The following PPARGC1A variants were observed in gnomAD, a reference collection of about 807,000 sequenced individuals.
The protein encoded by PPARGC1A is peroxisome proliferator-activated receptor gamma coactivator 1-alpha.
A neutral mutation model predicts 88.7 loss-of-function variants in PPARGC1A; 25 were observed. The ratio of observed to expected loss-of-function variants is 0.28; its 90% CI spans 0.21 to 0.39. The LOEUF (loss-of-function observed/expected upper bound fraction) is 0.39. Ranked by LOEUF, PPARGC1A falls within the 10% of genes least tolerant of loss-of-function variation. The pLI, the probability that PPARGC1A is intolerant of heterozygous loss-of-function variation, is 1.00. For synonymous variants in PPARGC1A, 363 were observed against 355.6 expected, an observed-to-expected ratio of 1.02 and a Z score of -0.24; for missense variants, 880 against 968.7, an observed-to-expected ratio of 0.91 and a Z score of 1.22.
chr4:24,201,367 A>G, the PPARGC1A span, among the ~76,000 whole-genome samples: 1 of 152,202 alleles, frequency 6.6e-6, no homozygotes, highest in African/African-American at 2.4e-5. Flanking sequence ...TAACACAAAC[A>G]CTTTGGATAG....
the PPARGC1A span, among the ~76,000 whole-genome samples, chr4:24,099,535 A>C: frequency 6.6e-5 from 10 of 152,190 alleles, no homozygotes; most frequent in Non-Finnish European, 1.0e-4. Flanking sequence ...GCTAGATGAG[A>C]GGAGCCGGGG....
intron 7 of PPARGC1A, among the ~76,000 whole-genome samples, chr4:23,817,065 C>T (rs1180883624): frequency 6.6e-6 from 1 of 152,094 alleles, no homozygotes; most frequent in African/African-American, 2.4e-5. Context: ...TGCCGCACGC[C>T]ACTTTGTACT....
At chr4:24,019,829 C>T in the PPARGC1A span, among the ~76,000 whole-genome samples, 1 of 152,126 alleles carries the variant, frequency 6.6e-6, no homozygotes, top group African/African-American at 2.4e-5. Flanking sequence ...CTACATCACC[C>T]ACATAGGACT....
rs538447022 is a variant in PPARGC1A at position 23,835,613 on chromosome 4, G to A, written c.235-3862C>T. ...TTACAAATGATTATTCGATATTATT[G>A]TTATCTCTGTATGTGGGTGACTCAC... On this transcript the variant is annotated intron_variant, in intron 2 of 12. Coordinates refer to ENST00000264867, the MANE Select transcript of PPARGC1A (RefSeq NM_013261.5). Among the ~76,000 whole-genome samples the A allele has an allele frequency of 5.3e-5, 8 of 151,876 alleles. No individual in the cohort carries two copies. In the East Asian group the frequency reaches 5.8e-4, roughly 11 times the overall value.
chr4:24,209,130 G>A, the PPARGC1A span, among the ~76,000 whole-genome samples: 1 of 152,164 alleles, frequency 6.6e-6, no homozygotes, highest in Non-Finnish European at 1.5e-5. Context: ...ATGGGGACAG[G>A]AGCCATTCAA....
chr4:24,387,818 A>AAGAAAGAAAGAG, the PPARGC1A span, among the ~76,000 whole-genome samples: 30 of 81,060 alleles, frequency 3.7e-4, 1 homozygote, highest in African/African-American at 1.2e-3. Flanking sequence ...GAAAGAAAGA[A>AAGAAAGAAAGAG]AGAAAGAGAG....
chr4:24,143,358 C>T, the PPARGC1A span, among the ~76,000 whole-genome samples: 3 of 152,042 alleles, frequency 2.0e-5, no homozygotes, highest in Non-Finnish European at 2.9e-5. Context: ...CACCACTGCA[C>T]GCTGTAACAT....
chr4:24,234,606 C>A, the PPARGC1A span, among the ~76,000 whole-genome samples: 3 of 152,116 alleles, frequency 2.0e-5, no homozygotes, highest in Non-Finnish European at 2.9e-5. Flanking sequence ...AAATATAAGA[C>A]AATGTCATGG....
chr4:24,274,550 GA>G, the PPARGC1A span, among the ~76,000 whole-genome samples: 1 of 152,178 alleles, frequency 6.6e-6, no homozygotes, highest in Admixed American at 6.5e-5. Flanking sequence ...TATCTACACT[GA>G]AATTGAATTC....
At chr4:24,243,406 G>C in the PPARGC1A span, among the ~76,000 whole-genome samples, 1 of 152,168 alleles carries the variant, frequency 6.6e-6, no homozygotes, top group African/African-American at 2.4e-5. Context: ...AAGACATATG[G>C]AATGCATCAG....
the PPARGC1A span, among the ~76,000 whole-genome samples, chr4:24,000,513 CT>C: frequency 6.6e-6 from 1 of 151,406 alleles, no homozygotes; most frequent in East Asian, 1.9e-4. Flanking sequence ...GCAGCAGGTG[CT>C]TTTTTTTAAT....
At chr4:24,470,155 GC>G in the PPARGC1A span, among the ~76,000 whole-genome samples, 1 of 152,034 alleles carries the variant, frequency 6.6e-6, no homozygotes, top group African/African-American at 2.4e-5. The surrounding 1 kb of genome is among the most constrained non-coding windows in gnomAD (Gnocchi z 5.8). Flanking sequence ...GGGGGGCGCG[GC>G]GCTGCCGAGG....
chr4:24,025,212 G>T, the PPARGC1A span, among the ~76,000 whole-genome samples: 1 of 152,176 alleles, frequency 6.6e-6, no homozygotes, highest in South Asian at 2.1e-4. Flanking sequence ...TTTTCTTCAG[G>T]TGCTCATTGG....
the PPARGC1A span, among the ~76,000 whole-genome samples, chr4:24,375,813 G>C: frequency 6.6e-6 from 1 of 152,108 alleles, no homozygotes; most frequent in African/African-American, 2.4e-5. Flanking sequence ...AGGTGGAAGA[G>C]TGAGATAAAA....
the PPARGC1A span, among the ~76,000 whole-genome samples, chr4:24,104,605 C>G: frequency 6.0e-3 from 908 of 152,174 alleles, 1 homozygote; most frequent in Non-Finnish European, 9.4e-3. Context: ...CAACACAATT[C>G]AGAGAGAGAG....
chr4:24,169,879 C>T, the PPARGC1A span, among the ~76,000 whole-genome samples: 1 of 152,100 alleles, frequency 6.6e-6, no homozygotes, highest in Non-Finnish European at 1.5e-5. Flanking sequence ...ATCCACATGA[C>T]ACATAAACTA....
the PPARGC1A span, among the ~76,000 whole-genome samples, chr4:24,273,782 G>T: frequency 6.8e-6 from 1 of 146,088 alleles, no homozygotes; most frequent in Non-Finnish European, 1.5e-5. Context: ...CCAGGCTGGA[G>T]TGCAATGGCA....
chr4:23,993,044 CCTA>C, the PPARGC1A span, among the ~76,000 whole-genome samples: 1 of 151,988 alleles, frequency 6.6e-6, no homozygotes, highest in Non-Finnish European at 1.5e-5. Flanking sequence ...GGAACTTGGC[CCTA>C]CTATGTCCTT....
chr4:23,952,819 C>T, the PPARGC1A span, among the ~76,000 whole-genome samples: 25 of 152,008 alleles, frequency 1.6e-4, no homozygotes, highest in Non-Finnish European at 2.9e-5. Flanking sequence ...CTTTTAGTGC[C>T]TCTACGTGGC....
Sources: allele counts gnomAD v4.1 joint callset (sites outside exome capture counted in the v4.1 genomes callset), GRCh38; gene constraint gnomAD v4.1.1; non-coding constraint Gnocchi (gnomAD v3.1); transcripts MANE v1.5; gene names NCBI Gene and HGNC (gene_info 2026-07-23, HGNC 2026-07-21).